BTBD9: variants seen among roughly 807,000 people sequenced by gnomAD.
The protein encoded by BTBD9 is BTB domain containing 9.
Under a neutral mutation model 64.3 loss-of-function variants are expected in BTBD9, and 49 were observed. The ratio of observed to expected loss-of-function variants is 0.76; its 90% CI spans 0.61 to 0.97. The LOEUF (loss-of-function observed/expected upper bound fraction) is 0.97. Ranked by LOEUF, BTBD9 falls within the 50% of genes least tolerant of loss-of-function variation. The pLI is 0.00. For missense variants in BTBD9, 598 were observed against 762.1 expected (o/e 0.78, Z 2.53); for synonymous variants, 260 against 274.7 (o/e 0.95, Z 0.53).
intron 6 of BTBD9, among the ~76,000 whole-genome samples, chr6:38,367,557 A>G (rs1159025859): frequency 6.6e-6 from 1 of 152,112 alleles, no homozygotes; most frequent in Non-Finnish European, 1.5e-5. Context: ...GGGCTCAATA[A>G]TTATTCAGTG....
intron 6 of BTBD9, among the ~76,000 whole-genome samples, chr6:38,458,146 T>C (rs1047536887): frequency 5.9e-5 from 9 of 152,082 alleles, no homozygotes; most frequent in Non-Finnish European, 1.3e-4. Context: ...TATAACACGA[T>C]TGGAAAAAAA....
intron 8 of BTBD9, among the ~76,000 whole-genome samples, chr6:38,285,742 C>T (rs1246529965): frequency 6.6e-6 from 1 of 152,106 alleles, no homozygotes; most frequent in Non-Finnish European, 1.5e-5. Flanking sequence ...GATTTCAAGT[C>T]TCCTGACTCA....
rs558837899 is a variant in BTBD9 at position 38,190,281 on chromosome 6, C to T, written c.1641+2238G>A. Among the ~76,000 whole-genome samples, 231 of 151,816 alleles carry T rather than the reference C, an allele frequency of 1.5e-3. 1 individual carries two copies. Among genetic ancestry groups the T allele is most frequent in the Admixed American group, 2.6e-3 (39 of 15,246 alleles). ...AGGAGTTCGAGACCAGGCTGGCCAA[C>T]ATGGTGAAACCTGTCTCTACAAAAA... On this transcript the variant is annotated intron_variant, in intron 10 of 10. Transcript: ENST00000481247.
chr6:38,326,159 T>C (rs2127578640), intron 7 of BTBD9, among the ~76,000 whole-genome samples: 1 of 151,698 alleles, frequency 6.6e-6, no homozygotes, highest in East Asian at 1.9e-4. Context: ...AGGGGTGGGG[T>C]TTGACAAAGT....
intron 1 of BTBD9, among the ~76,000 whole-genome samples, chr6:38,626,048 T>C (rs912278311): frequency 5.3e-5 from 8 of 152,220 alleles, no homozygotes; most frequent in Non-Finnish European, 1.0e-4. Flanking sequence ...CCCAAAAGTT[T>C]CAAGGACTTT....
At chr6:38,416,235 G>A (rs1371812362) in intron 6 of BTBD9, among the ~76,000 whole-genome samples, 2 of 152,050 alleles carry the variant, frequency 1.3e-5, no homozygotes, top group African/African-American at 2.4e-5. Flanking sequence ...GATAACAGGC[G>A]TGAGCTACCC....
chr6:38,418,877 C>T (rs903057688), intron 6 of BTBD9, among the ~76,000 whole-genome samples: 2 of 152,148 alleles, frequency 1.3e-5, no homozygotes, highest in East Asian at 1.9e-4. Flanking sequence ...ATTTGGGAGG[C>T]TAAGGCAGGA....
At chr6:38,388,665 G>T (rs1318035156) in intron 6 of BTBD9, among the ~76,000 whole-genome samples, 1 of 152,166 alleles carries the variant, frequency 6.6e-6, no homozygotes, top group Non-Finnish European at 1.5e-5. Flanking sequence ...CAAATGAACT[G>T]TGTTGAAAAT....
chr6:38,598,293 G>A (rs1301832002), intron 1 of BTBD9, among the ~76,000 whole-genome samples, 172 bp from the exon 2 acceptor site: 1 of 152,110 alleles, frequency 6.6e-6, no homozygotes, highest in African/African-American at 2.4e-5. Flanking sequence ...AATTCAGCCT[G>A]CTTCCCTTAA....
intron 6 of BTBD9, among the ~76,000 whole-genome samples, chr6:38,427,305 C>T (rs1768215873): frequency 6.6e-6 from 1 of 151,642 alleles, no homozygotes; most frequent in Admixed American, 6.6e-5. Context: ...GCCTGGGCAA[C>T]ACAGCAAGAC....
intron 1 of BTBD9, among the ~76,000 whole-genome samples, chr6:38,636,613 A>G (rs578257570): frequency 6.6e-5 from 10 of 152,324 alleles, no homozygotes; most frequent in African/African-American, 2.2e-4. Flanking sequence ...AAATCTATCC[A>G]TTCCCATTGT....
intron 4 of BTBD9, chr6:38,588,375 T>C: frequency 1.2e-6 from 1 of 855,092 alleles, no homozygotes; most frequent in Non-Finnish European, 2.0e-6. Context: ...CCTCTCAACC[T>C]AGAATGGCTC....
At chr6:38,197,566 A>C (rs1762306921) in intron 9 of BTBD9, among the ~76,000 whole-genome samples, 1 of 152,184 alleles carries the variant, frequency 6.6e-6, no homozygotes, top group Non-Finnish European at 1.5e-5. Flanking sequence ...CCATCCGCTA[A>C]AGTCTCCGTT....
chr6:38,505,964 C>CAAAAAAAAAAAAAAAAAAA lies in BTBD9; in HGVS notation c.1154+71617_1154+71635dup, dbSNP rs59014161. On this transcript the variant is annotated intron_variant, in intron 6 of 10. Coordinates refer to ENST00000481247, the MANE Select transcript of BTBD9 (RefSeq NM_001099272.2). ...TGGCAACAGCATGGCTCCGTCTCAACAAAAAAAAAAAAAAAAAAAAGGAAC... is the reference window on the plus strand; with the variant it reads ...TGGCAACAGCATGGCTCCGTCTCAACAAAAAAAAAAAAAAAAAAAAAAAAAAAAAAAAAAAAAAAGGAAC... Among the ~76,000 whole-genome samples, 157 of 82,630 alleles carry CAAAAAAAAAAAAAAAAAAA rather than the reference C, an allele frequency of 1.9e-3. 11 individuals are homozygous for CAAAAAAAAAAAAAAAAAAA. Among genetic ancestry groups the CAAAAAAAAAAAAAAAAAAA allele is most frequent in the African/African-American group, 6.2e-3 (151 of 24,434 alleles). 54.2% of individuals were successfully genotyped at this position (82,630 alleles called of 152,430 possible).
At position 38,174,885 on chromosome 6, in the gene BTBD9, G is replaced by A; in HGVS notation, c.*100C>T. On this transcript the variant is annotated 3_prime_UTR_variant, in exon 11 of 11. Transcript: ENST00000481247. ...CTAGGTCGGCTCCTCCCTGGAAAGG[G>A]GCAGAGGTGGGGGCAGTCAACAGAG... 7.1e-7 allele frequency: 1 copy of A among 1,408,182 alleles called. No homozygotes were observed. Among genetic ancestry groups the A allele is most frequent in the East Asian group, 2.3e-5 (1 of 43,020 alleles). The allele number at this position is 1,408,182 out of a possible 1,614,324, so 87.2% of individuals were successfully genotyped here. A position where few individuals can be genotyped will look rare whatever the true frequency, so the allele number is the denominator to read the frequency against.
chr6:38,514,345 A>C (rs147171879), intron 6 of BTBD9, among the ~76,000 whole-genome samples: 1 of 152,232 alleles, frequency 6.6e-6, no homozygotes, highest in South Asian at 2.1e-4. Context: ...CTTATTTTTT[A>C]AAGTCCCAAT....
chr6:38,605,686 T>C (rs1376768296), intron 1 of BTBD9, among the ~76,000 whole-genome samples: 4 of 152,134 alleles, frequency 2.6e-5, no homozygotes, highest in Non-Finnish European at 5.9e-5. Flanking sequence ...GGCATGGTGG[T>C]GTGCATCTGC....
intron 6 of BTBD9, among the ~76,000 whole-genome samples, chr6:38,465,732 T>C (rs1250080346): frequency 2.0e-5 from 1 of 50,078 alleles, no homozygotes; most frequent in Non-Finnish European, 3.9e-5. Flanking sequence ...TATATATATA[T>C]ATATATATAT....
At chr6:38,386,443 C>T (rs1327314304) in intron 6 of BTBD9, among the ~76,000 whole-genome samples, 1 of 152,100 alleles carries the variant, frequency 6.6e-6, no homozygotes, top group Non-Finnish European at 1.5e-5. Context: ...CTCCCACAGA[C>T]TTCAGTTGAA....
Sources: allele counts gnomAD v4.1 joint callset (sites outside exome capture counted in the v4.1 genomes callset), GRCh38; gene constraint gnomAD v4.1.1; transcripts MANE v1.5; gene names NCBI Gene and HGNC (gene_info 2026-07-23, HGNC 2026-07-21).